NKAIN2: variants seen among roughly 807,000 people sequenced by gnomAD.
NKAIN2 encodes the protein sodium/potassium-transporting ATPase subunit beta-1-interacting protein 2.
NKAIN2 carries 14 observed loss-of-function variants against 32.6 expected under a neutral mutation model. The ratio of observed to expected loss-of-function variants is 0.43; its 90% CI spans 0.28 to 0.67. The LOEUF (loss-of-function observed/expected upper bound fraction) is 0.67, where lower values mean the gene tolerates loss of function less well. NKAIN2 is among the 30% of genes least tolerant of loss of function. The pLI is 0.17. For synonymous variants in NKAIN2, 80 were observed against 87.2 expected, an observed-to-expected ratio of 0.92 and a Z score of 0.46; for missense variants, 198 against 258.3, an observed-to-expected ratio of 0.77 and a Z score of 1.60.
chr6:124,663,876 T>C (rs1315843754), intron 4 of NKAIN2, among the ~76,000 whole-genome samples: 2 of 152,178 alleles, frequency 1.3e-5, no homozygotes, highest in African/African-American at 2.4e-5. Flanking sequence ...GTGTCATCAT[T>C]ATAATGAAAA....
At chr6:124,446,811 T>G (rs1298841077) in intron 3 of NKAIN2, among the ~76,000 whole-genome samples, 1 of 152,120 alleles carries the variant, frequency 6.6e-6, no homozygotes, top group East Asian at 1.9e-4. Flanking sequence ...CTTACACCAA[T>G]TTTCCAGTGA....
intron 3 of NKAIN2, among the ~76,000 whole-genome samples, chr6:124,358,532 A>G (rs1799103373): frequency 6.6e-6 from 1 of 152,154 alleles, no homozygotes; most frequent in Non-Finnish European, 1.5e-5. Context: ...GTCAGTGATG[A>G]TGAGCATTTT....
chr6:124,710,902 G>T (rs953483144), intron 4 of NKAIN2, among the ~76,000 whole-genome samples: 1 of 151,192 alleles, frequency 6.6e-6, no homozygotes, highest in Non-Finnish European at 1.5e-5. Context: ...TTGCTCGTTA[G>T]TTGATGCAGT....
chr6:124,183,649 ATC>A, intron 1 of NKAIN2, among the ~76,000 whole-genome samples: 1 of 152,270 alleles, frequency 6.6e-6, no homozygotes, highest in East Asian at 1.9e-4. Flanking sequence ...CTGATGTAAC[ATC>A]CTTTGATAGT....
chr6:124,680,969 C>CTAGA (rs1461682153), intron 4 of NKAIN2, among the ~76,000 whole-genome samples: 13 of 151,784 alleles, frequency 8.6e-5, no homozygotes, highest in African/African-American at 2.4e-4. Context: ...AAATATGCAA[C>CTAGA]TAGATAGTAG....
rs201242470 is a variant in NKAIN2, at chr6:123,898,822, CA to C, written c.54+94569del. 4.9e-3 allele frequency among the ~76,000 whole-genome samples: 741 copies of C among 152,300 alleles called. 5 individuals are homozygous for C. Among genetic ancestry groups the C allele is most frequent in the African/African-American group, 0.017 (705 of 41,566 alleles). ...GCAACTTTTAACTTAGACTCACCTC[CA>C]GTACCATGGCCTGGAAGGGCGAGAT... On this transcript the variant is annotated intron_variant, in intron 1 of 6. Coordinates refer to ENST00000368417, the MANE Select transcript of NKAIN2 (RefSeq NM_001040214.3).
intron 1 of NKAIN2, among the ~76,000 whole-genome samples, chr6:124,129,213 G>A (rs1297949994): frequency 6.6e-6 from 1 of 151,930 alleles, no homozygotes; most frequent in Non-Finnish European, 1.5e-5. Flanking sequence ...TTATCTTTTT[G>A]TCAAGAGTTG....
At chr6:124,790,244 G>A (rs539421557) in intron 4 of NKAIN2, among the ~76,000 whole-genome samples, 84 of 152,120 alleles carry the variant, frequency 5.5e-4, no homozygotes, top group Non-Finnish European at 4.1e-4. Context: ...ACCTATTAGT[G>A]TACCCTTTGA....
chr6:123,832,930 TA>T (rs1318573614), intron 1 of NKAIN2, among the ~76,000 whole-genome samples: 3 of 152,374 alleles, frequency 2.0e-5, no homozygotes, highest in South Asian at 2.1e-4. Context: ...CTTGTCTTCA[TA>T]TTCTCTTGAA....
intron 3 of NKAIN2, among the ~76,000 whole-genome samples, chr6:124,559,375 CAAA>C (rs797020270): frequency 2.2e-4 from 34 of 152,238 alleles, no homozygotes; most frequent in African/African-American, 7.7e-4. Flanking sequence ...CAAGTTGTCT[CAAA>C]GAAGTGACGA....
chr6:124,752,400 ACAT>A (rs570937381), intron 4 of NKAIN2, among the ~76,000 whole-genome samples: 49 of 152,218 alleles, frequency 3.2e-4, no homozygotes, highest in African/African-American at 1.1e-3. Context: ...AACGAGAGTA[ACAT>A]TATTCGCTTC....
chr6:124,263,773 C>G lies in NKAIN2; in HGVS notation c.55-19232C>G, dbSNP rs76388384. Among the ~76,000 whole-genome samples, 1,453 of 152,226 alleles carry G rather than the reference C, an allele frequency of 9.5e-3. 11 individuals are homozygous for G. The highest frequency in any genetic ancestry group is 0.016 in the Non-Finnish European group (1,119 of 68,030). Reference sequence around the variant, plus strand: ...TGCCAGCTTAGCAAATGTCCTATGTCCCTCATGGTTCTTTTAAGACAGGTA... The same window carrying G: ...TGCCAGCTTAGCAAATGTCCTATGTGCCTCATGGTTCTTTTAAGACAGGTA... On this transcript the variant is annotated intron_variant, in intron 1 of 6. Coordinates refer to ENST00000368417, the MANE Select transcript of NKAIN2 (RefSeq NM_001040214.3).
At chr6:124,650,394 T>C (rs1784326310) in intron 3 of NKAIN2, among the ~76,000 whole-genome samples, 1 of 152,148 alleles carries the variant, frequency 6.6e-6, no homozygotes, top group Admixed American at 6.6e-5. Flanking sequence ...CCATTTATAT[T>C]ACCACACACA....
chr6:124,778,324 T>A (rs1325962583), intron 4 of NKAIN2, among the ~76,000 whole-genome samples: 1 of 151,790 alleles, frequency 6.6e-6, no homozygotes, highest in African/African-American at 2.4e-5. Context: ...ATGGTTCTTA[T>A]AGCACTTGAT....
At chr6:124,574,328 A>G (rs533516653) in intron 3 of NKAIN2, among the ~76,000 whole-genome samples, 48 of 148,232 alleles carry the variant, frequency 3.2e-4, no homozygotes, top group African/African-American at 1.1e-3. Flanking sequence ...AAAAAAAAAT[A>G]CCAGTGAGGT....
chr6:123,834,495 A>G (rs889246282), intron 1 of NKAIN2, among the ~76,000 whole-genome samples: 2 of 152,136 alleles, frequency 1.3e-5, no homozygotes, highest in Non-Finnish European at 2.9e-5. Flanking sequence ...TATTTTCTAC[A>G]TAGACAATCA....
rs201678357 is a variant in NKAIN2, at chr6:124,739,105, T to C, written c.475-52234T>C. On this transcript the variant is annotated intron_variant, in intron 4 of 6. Transcript: ENST00000368417. ...AAATAGTTAAGCCAACTGTTCAATATAGGCAATATTACTGTTACTTTTTAA... is the reference window on the plus strand; with the variant it reads ...AAATAGTTAAGCCAACTGTTCAATACAGGCAATATTACTGTTACTTTTTAA... Among the ~76,000 whole-genome samples the C allele has an allele frequency of 3.5e-4, 53 of 151,952 alleles. No individual in the cohort carries two copies. The East Asian group carries it at 8.8e-3, about 25-fold the overall frequency.
At chr6:124,298,684 C>A (rs1583011646) in intron 2 of NKAIN2, among the ~76,000 whole-genome samples, 2 of 152,084 alleles carry the variant, frequency 1.3e-5, no homozygotes, top group Non-Finnish European at 2.9e-5. Context: ...ATAAAGATCC[C>A]AGAAAAGCAG....
chr6:124,638,103 A>T (rs1783840134), intron 3 of NKAIN2, among the ~76,000 whole-genome samples: 2 of 152,218 alleles, frequency 1.3e-5, no homozygotes, highest in Non-Finnish European at 2.9e-5. Flanking sequence ...CCAGAAAAAA[A>T]ATCCATGTAT....
Sources: allele counts gnomAD v4.1 joint callset (sites outside exome capture counted in the v4.1 genomes callset), GRCh38; gene constraint gnomAD v4.1.1; transcripts MANE v1.5; gene names NCBI Gene and HGNC (gene_info 2026-07-23, HGNC 2026-07-21).